PRKG1: variants seen among roughly 807,000 people sequenced by gnomAD.
PRKG1 encodes the protein cGMP-dependent protein kinase 1.
Under a neutral mutation model 88.1 loss-of-function variants are expected in PRKG1, and 35 were observed. That is an observed-to-expected ratio of 0.40 (90% CI 0.30 to 0.53). PRKG1 has a LOEUF of 0.53. Among genes scored for constraint, PRKG1 ranks in the 20% least tolerant of loss-of-function variants. PRKG1 has a pLI of 0.59. For synonymous variants in PRKG1, 303 were observed against 292.5 expected, an observed-to-expected ratio of 1.04 and a Z score of -0.37; for missense variants, 540 against 839.8, an observed-to-expected ratio of 0.64 and a Z score of 4.41.
rs1564696270 is a variant in PRKG1 at position 51,892,986 on chromosome 10, T to TTCCATAAA, written c.699-14521_699-14520insTCCATAAA. Among the ~76,000 whole-genome samples the TTCCATAAA allele has an allele frequency of 4.6e-5, 7 of 152,182 alleles. No individual in the cohort carries two copies. The East Asian group carries it at 1.4e-3, about 30-fold the overall frequency. On this transcript the variant is annotated intron_variant, in intron 4 of 17. Coordinates refer to ENST00000373980, the MANE Select transcript of PRKG1 (RefSeq NM_006258.4). ...TTATTTAATTCCATAAAAATGTATA[T>TTCCATAAA]GATTTTATTTTTGATGCAGGCATAT...
chr10:51,082,986 C>G (rs1034939885), intron 1 of PRKG1, among the ~76,000 whole-genome samples: 2 of 152,168 alleles, frequency 1.3e-5, no homozygotes, highest in Non-Finnish European at 2.9e-5. Flanking sequence ...AATATTCAGC[C>G]AGGGTTGAGA....
intron 3 of PRKG1, among the ~76,000 whole-genome samples, chr10:51,768,135 T>C (rs1838216676): frequency 6.6e-6 from 1 of 152,184 alleles, no homozygotes. Flanking sequence ...ATGTAGTTGT[T>C]TTCATGAAAT....
At chr10:51,445,701 A>G (rs1467883409) in intron 2 of PRKG1, among the ~76,000 whole-genome samples, 1 of 151,884 alleles carries the variant, frequency 6.6e-6, no homozygotes, top group African/African-American at 2.4e-5. Context: ...TAGAAAAAGG[A>G]CATTTTATAA....
rs556620255 is a variant in PRKG1 at position 51,724,869 on chromosome 10, CT to C, written c.593-79695del. Among the ~76,000 whole-genome samples, 552 of 110,744 alleles carry C rather than the reference CT, an allele frequency of 5.0e-3. 1 individual carries two copies. Among genetic ancestry groups the C allele is most frequent in the African/African-American group, 0.013 (376 of 27,894 alleles). 72.7% of individuals were successfully genotyped at this position (110,744 alleles called of 152,430 possible). On this transcript the variant is annotated intron_variant, in intron 3 of 17. Transcript: ENST00000373980. ...CTACCATGCCTGGCTAATTTTTGTA[CT>C]TTTTTTTTTTTTTTTTTTTTGTAAA...
chr10:51,953,183 T>G (rs1407073813), intron 5 of PRKG1, among the ~76,000 whole-genome samples: 1 of 152,146 alleles, frequency 6.6e-6, no homozygotes, highest in Admixed American at 6.5e-5. Context: ...ATGTCACCAA[T>G]GGAAGATTAT....
intron 10 of PRKG1, 68 bp downstream of exon 10, chr10:52,251,734 A>C (rs1841177277): frequency 5.5e-6 from 7 of 1,277,578 alleles, no homozygotes; most frequent in Non-Finnish European, 5.6e-6. Context: ...CCCTAGATTA[A>C]GATTTCTTTC....
intron 1 of PRKG1, among the ~76,000 whole-genome samples, chr10:51,030,422 T>A (rs1280553349): frequency 1.3e-5 from 2 of 152,192 alleles, no homozygotes; most frequent in Non-Finnish European, 2.9e-5. Context: ...AGAATCAGAT[T>A]TTTTTCCAAA....
intron 3 of PRKG1, among the ~76,000 whole-genome samples, chr10:51,516,345 T>C (rs1247799133): frequency 6.6e-6 from 1 of 151,968 alleles, no homozygotes; most frequent in South Asian, 2.1e-4. Flanking sequence ...ATTTCTCCTC[T>C]CTACTGAACC....
At chr10:51,365,267 C>G (rs986266234) in intron 2 of PRKG1, among the ~76,000 whole-genome samples, 2 of 151,878 alleles carry the variant, frequency 1.3e-5, no homozygotes, top group Admixed American at 6.6e-5. Flanking sequence ...AACAACATAT[C>G]TAACAGATCC....
Position 51,553,752 on chromosome 10 carries a change from A to G in PRKG1, c.592+85916A>G, listed in dbSNP as rs12761104. On this transcript the variant is annotated intron_variant, in intron 3 of 17. Transcript: ENST00000373980. Reference sequence around the variant, plus strand: ...AGATACGTGTATATAATATATGTATATATTAGATACGTGTATATAATATAT... The same window carrying G: ...AGATACGTGTATATAATATATGTATGTATTAGATACGTGTATATAATATAT... Among the ~76,000 whole-genome samples, 1,542 of 67,874 alleles carry G rather than the reference A, an allele frequency of 0.023. 81 individuals carry two copies. In the East Asian group the frequency reaches 0.25, roughly 11 times the overall value. 44.5% of individuals were successfully genotyped at this position (67,874 alleles called of 152,430 possible).
At chr10:52,032,563 T>C (rs1332059694) in intron 5 of PRKG1, among the ~76,000 whole-genome samples, 7 of 152,220 alleles carry the variant, frequency 4.6e-5, no homozygotes, top group Non-Finnish European at 7.3e-5. Context: ...TAAAAGTGAA[T>C]ATTTATAGTT....
chr10:51,310,307 G>A (rs79726921), intron 2 of PRKG1, among the ~76,000 whole-genome samples: 4,773 of 152,200 alleles, frequency 0.031, 127 homozygotes, highest in South Asian at 0.076. Flanking sequence ...ATATCTTCAT[G>A]TCCTATTGAG....
intron 2 of PRKG1, among the ~76,000 whole-genome samples, chr10:51,456,234 C>G (rs1001546668): frequency 6.6e-6 from 1 of 152,004 alleles, no homozygotes; most frequent in East Asian, 1.9e-4. Flanking sequence ...TGGGGGAAAC[C>G]GCCCCCCATG....
intron 10 of PRKG1, among the ~76,000 whole-genome samples, chr10:52,265,793 C>T (rs1410024293): frequency 6.6e-6 from 1 of 152,006 alleles, no homozygotes; most frequent in Non-Finnish European, 1.5e-5. Flanking sequence ...TGTCAAAATC[C>T]TTGTCAAAAA....
chr10:51,739,958 A>G (rs1837389635), intron 3 of PRKG1, among the ~76,000 whole-genome samples: 1 of 152,188 alleles, frequency 6.6e-6, no homozygotes, highest in Admixed American at 6.5e-5. Flanking sequence ...ACAAAATAGT[A>G]GTACAGAGAT....
chr10:52,281,362 GTAATAA>G, intron 13 of PRKG1, among the ~76,000 whole-genome samples: 1 of 152,236 alleles, frequency 6.6e-6, no homozygotes, highest in African/African-American at 2.4e-5. Flanking sequence ...TTATGTAATA[GTAATAA>G]TAATAATGGT....
chr10:52,153,828 C>T (rs1838008993), intron 8 of PRKG1, among the ~76,000 whole-genome samples: 1 of 152,118 alleles, frequency 6.6e-6, no homozygotes, highest in Admixed American at 6.5e-5. Context: ...TCACTGCAAC[C>T]TCCGCCTCCC....
chr10:51,013,757 T>C (rs1843022715), intron 1 of PRKG1, among the ~76,000 whole-genome samples: 1 of 152,200 alleles, frequency 6.6e-6, no homozygotes. Context: ...TTACTTATCT[T>C]AAGGTTTTGA....
intron 2 of PRKG1, among the ~76,000 whole-genome samples, chr10:51,321,868 C>A (rs973828467): frequency 6.6e-6 from 1 of 151,734 alleles, no homozygotes; most frequent in East Asian, 1.9e-4. Context: ...TCTCATGTGA[C>A]CCATAGATAT....
Sources: allele counts gnomAD v4.1 joint callset (sites outside exome capture counted in the v4.1 genomes callset), GRCh38; gene constraint gnomAD v4.1.1; transcripts MANE v1.5; gene names NCBI Gene and HGNC (gene_info 2026-07-23, HGNC 2026-07-21).